Variants in PTPRS observed in about 807,000 individuals in gnomAD.
The protein encoded by PTPRS is receptor-type tyrosine-protein phosphatase S.
A neutral mutation model predicts 215.3 loss-of-function variants in PTPRS; 63 were observed. The ratio of observed to expected loss-of-function variants is 0.29; its 90% CI spans 0.24 to 0.36. PTPRS has a LOEUF of 0.36. Among genes scored for constraint, PTPRS ranks in the 10% least tolerant of loss-of-function variants. The probability of loss-of-function intolerance (pLI) is 1.00; values close to 1 mark genes in which losing one functional copy is unlikely to be tolerated. For missense variants in PTPRS, 2,258 were observed against 2,825.8 expected (o/e 0.80, Z 4.56); for synonymous variants, 1,404 against 1,191.4 (o/e 1.18, Z -3.68).
chr19:5,261,495 G>A (rs2238640), intron 6 of PTPRS, among the ~76,000 whole-genome samples: 85,677 of 151,994 alleles, frequency 0.56, 26,637 homozygotes, highest in East Asian at 0.81. Flanking sequence ...GGCGGCTCGG[G>A]GCTGGAACGT....
chr19:5,228,296 G>A (rs1220214936), intron 16 of PTPRS, among the ~76,000 whole-genome samples: 2 of 146,598 alleles, frequency 1.4e-5, no homozygotes, highest in Admixed American at 1.4e-4. Flanking sequence ...AGTGAGCCGA[G>A]ATGGCGCCAC....
Position 5,244,339 on chromosome 19 carries a change from T to C in PTPRS, c.1132A>G (p.Ile378Val). 6.2e-7 allele frequency: 1 copy of C among 1,614,234 alleles called. No individual in the cohort carries two copies. Reference protein sequence around the residue: ...KSKSQDGPYQIKEDITTTRYS... With the variant: ...KSKSQDGPYQVKEDITTTRYS... ...CGTGTGGTGGTGATGTCCTCTTTAA[T>C]CTGATACGGCCCGTCTTGGCTCTTG... The change falls in exon 11 of 38, where the codon ATT (isoleucine) becomes GTT (valine). Residue 378 changes from isoleucine (I) to valine (V), a missense_variant. Ile to Val is a conservative substitution (Grantham distance 29). Transcript: ENST00000262963. The surrounding 1 kb of genome is among the most constrained non-coding windows in gnomAD (Gnocchi z 7.2).
intron 18 of PTPRS, 42 bp from the exon 19 acceptor site, chr19:5,222,262 G>T: frequency 6.5e-7 from 1 of 1,536,090 alleles, no homozygotes; most frequent in Non-Finnish European, 9.0e-7. Context: ...CAGAAGAGAG[G>T]CCCCATGAGT....
chr19:5,214,261 T>A, intron 30 of PTPRS, 100 bp downstream of exon 30: 1 of 1,528,012 alleles, frequency 6.5e-7, no homozygotes, highest in Non-Finnish European at 8.9e-7. Flanking sequence ...CCGCTTTCTC[T>A]CTGTCCCATG....
At chr19:5,297,831 C>T (rs1375915272) in intron 1 of PTPRS, among the ~76,000 whole-genome samples, 1 of 143,086 alleles carries the variant, frequency 7.0e-6, no homozygotes, top group Admixed American at 7.6e-5. Flanking sequence ...CTCGTTCCAT[C>T]GCCCAGGCTG....
intron 1 of PTPRS, among the ~76,000 whole-genome samples, chr19:5,324,679 C>T (rs557558292): frequency 1.3e-5 from 2 of 152,338 alleles, no homozygotes; most frequent in East Asian, 3.9e-4. Context: ...TGACCCTGCA[C>T]AAGTCACATC....
chr19:5,226,277 G>C (rs190290409), intron 16 of PTPRS, among the ~76,000 whole-genome samples: 14 of 152,306 alleles, frequency 9.2e-5, no homozygotes, highest in Non-Finnish European at 1.9e-4. Context: ...TTCCTCCAAT[G>C]CACCAGGCAC....
intron 2 of PTPRS, among the ~76,000 whole-genome samples, chr19:5,280,877 C>T (rs975204504): frequency 2.6e-5 from 4 of 151,652 alleles, no homozygotes; most frequent in African/African-American, 2.4e-5. Context: ...TTGCAACCTC[C>T]GCCTCCCAGG....
At chr19:5,211,419 A>G (rs2040870023) in intron 33 of PTPRS, among the ~76,000 whole-genome samples, 171 bp downstream of exon 33, 1 of 152,192 alleles carries the variant, frequency 6.6e-6, no homozygotes, top group Non-Finnish European at 1.5e-5. Flanking sequence ...ACACACACCC[A>G]AAGATTCACG....
At position 5,221,000 on chromosome 19, in the gene PTPRS, T is replaced by G; in HGVS notation, c.3455A>C (p.Gln1152Pro). 6.2e-7 allele frequency: 1 copy of G among 1,605,498 alleles called. No individual in the cohort carries two copies. Among genetic ancestry groups the G allele is most frequent in the Non-Finnish European group, 8.5e-7 (1 of 1,174,714 alleles). ...ACCCGGAGCATGGGGGTGAGCATAC[T>G]GGACAGGCACGGGGCTCTGGCCGTC... The part of the protein sequence containing the change: ...LPDGQSPVPV[Q>P]SYFIVMVPLR... The change falls in exon 20 of 38, where the codon CAG becomes CCG. Residue 1152 changes from glutamine to proline, a missense_variant and splice_region_variant. Gln to Pro is a moderately conservative substitution (Grantham distance 76, BLOSUM62 -1). Transcript: ENST00000262963.
intron 1 of PTPRS, among the ~76,000 whole-genome samples, chr19:5,306,303 C>A (rs890881763): frequency 2.0e-5 from 3 of 152,016 alleles, no homozygotes; most frequent in South Asian, 4.2e-4. Context: ...CGCCACCACG[C>A]CTGGCTAATT....
At chr19:5,283,070 G>A (rs905980718) in intron 2 of PTPRS, among the ~76,000 whole-genome samples, 3 of 152,202 alleles carry the variant, frequency 2.0e-5, no homozygotes, top group Non-Finnish European at 2.9e-5. Flanking sequence ...CTCCCGCTCC[G>A]TGGCCTGGCT....
chr19:5,305,223 C>T (rs1199846900), intron 1 of PTPRS, among the ~76,000 whole-genome samples: 2 of 152,182 alleles, frequency 1.3e-5, no homozygotes, highest in Non-Finnish European at 2.9e-5. Context: ...TTCCCACCAT[C>T]CAGGCACACT....
chr19:5,239,708 G>A (rs1000402642), intron 12 of PTPRS, among the ~76,000 whole-genome samples: 9 of 151,412 alleles, frequency 5.9e-5, no homozygotes, highest in Non-Finnish European at 4.4e-5. Flanking sequence ...GACAGAAATA[G>A]AGAGAGAGGA....
intron 1 of PTPRS, among the ~76,000 whole-genome samples, chr19:5,313,089 G>T (rs1356372623): frequency 6.6e-6 from 1 of 152,126 alleles, no homozygotes; most frequent in Admixed American, 6.5e-5. Flanking sequence ...TAATTTTTTT[G>T]TATTTTTAGC....
chr19:5,222,379 C>T (rs142981210), intron 18 of PTPRS, among the ~76,000 whole-genome samples, 159 bp from the exon 19 acceptor site: 1,659 of 151,740 alleles, frequency 0.011, 31 homozygotes, highest in African/African-American at 0.038. Context: ...CTGGCCCGGC[C>T]CTGCCCTGTC....
chr19:5,240,033 A>C (rs2043888300), intron 12 of PTPRS, among the ~76,000 whole-genome samples, 166 bp downstream of exon 12: 1 of 152,138 alleles, frequency 6.6e-6, no homozygotes, highest in African/African-American at 2.4e-5. Context: ...AAAAAAGTGG[A>C]GGAAAGGCAC....
At chr19:5,284,376 AAAATAAATAAAT>A (rs367661299) in intron 2 of PTPRS, among the ~76,000 whole-genome samples, 2,803 of 119,568 alleles carry the variant, frequency 0.023, 87 homozygotes, top group African/African-American at 0.069. Flanking sequence ...TTAATTAATT[AAAATAAATAAAT>A]AAATAAATAA....
In PTPRS at chr19:5,340,174, G is replaced by T. The variant is rs2050644237; in HGVS notation, c.-95+490C>A. Among the ~76,000 whole-genome samples, 4 of 150,990 alleles carry T rather than the reference G, an allele frequency of 2.6e-5. No individual in the cohort carries two copies. In the South Asian group the frequency reaches 8.3e-4, roughly 31 times the overall value. On this transcript the variant is annotated intron_variant, in intron 1 of 37. Transcript: ENST00000262963. ...TCCCGGCTCCTCTCCGCTCCGGGGC[G>T]CCCGCATGCCCCCCATCCCCCGGCA...
Sources: allele counts gnomAD v4.1 joint callset (sites outside exome capture counted in the v4.1 genomes callset), GRCh38; gene constraint gnomAD v4.1.1; non-coding constraint Gnocchi (gnomAD v3.1); transcripts MANE v1.5; gene names NCBI Gene and HGNC (gene_info 2026-07-23, HGNC 2026-07-21).